ELAPOR2: variants seen among roughly 807,000 people sequenced by gnomAD.
The protein encoded by ELAPOR2 is endosome/lysosome-associated apoptosis and autophagy regulator family member 2.
Under a neutral mutation model 120.7 loss-of-function variants are expected in ELAPOR2, and 89 were observed. The ratio of observed to expected loss-of-function variants is 0.74; its 90% CI spans 0.62 to 0.88. The LOEUF (loss-of-function observed/expected upper bound fraction) is 0.88. Among genes scored for constraint, ELAPOR2 ranks in the 40% least tolerant of loss-of-function variants. The probability of loss-of-function intolerance (pLI) is 0.00; values close to 1 mark genes in which losing one functional copy is unlikely to be tolerated. For missense variants in ELAPOR2, 1,134 were observed against 1,251.6 expected, an observed-to-expected ratio of 0.91 and a Z score of 1.42; for synonymous variants, 444 against 444.9, an observed-to-expected ratio of 1.00 and a Z score of 0.03.
intron 2 of ELAPOR2, among the ~76,000 whole-genome samples, chr7:86,954,244 C>T (rs1309929237): frequency 2.0e-5 from 3 of 152,100 alleles, no homozygotes; most frequent in Non-Finnish European, 4.4e-5. Flanking sequence ...CATGCAACTA[C>T]CCAGCACAAT....
At chr7:86,923,603 T>C (rs558181892) in intron 10 of ELAPOR2, among the ~76,000 whole-genome samples, 70 of 152,216 alleles carry the variant, frequency 4.6e-4, no homozygotes, top group African/African-American at 1.6e-3. Context: ...CATCACACTG[T>C]TTCCTTGGTA....
intron 1 of ELAPOR2, among the ~76,000 whole-genome samples, chr7:86,993,126 C>T (rs1219972254): frequency 6.6e-6 from 1 of 151,306 alleles, no homozygotes; most frequent in Non-Finnish European, 1.5e-5. Context: ...GTTCCAGCTA[C>T]TCAGGAGGCT....
In ELAPOR2 at chr7:86,918,464, T is replaced by G. The variant is rs2116157622; in HGVS notation, c.1571A>C (p.Asp524Ala). 6.2e-7 allele frequency: 1 copy of G among 1,611,992 alleles called. No individual in the cohort carries two copies. The highest frequency in any genetic ancestry group is 2.2e-5 in the East Asian group (1 of 44,774). Residue 524 changes from aspartate (D) to alanine (A), a missense_variant, in exon 12 of 22, where the codon GAC (aspartate) becomes GCC (alanine). Around this residue, in one of 3 missense-constraint regions of ELAPOR2, gnomAD observed 831 missense variants for 867.6 expected, o/e 0.96. Transcript: ENST00000450689. ...TACCACCATGAAGTACAAAACACAG[T>G]CAGCTGAACAGAGGGTCTCAAAGAC... is the stretch of plus-strand genomic sequence containing the variant. ...TFVFETLCSA[D>A]CVLYFMVDIN...
chr7:86,912,167 G>C lies in ELAPOR2; in HGVS notation c.2074C>G (p.Leu692Val). ...TTCATTAATGAGCCCACACTGCTGA[G>C]GTTGCTAAAGTCATAGTGCAAACTC... ...NQSLHYDFSN[L>V]SSVGSLMNGP... is the part of the protein sequence containing the mutation. The change falls in exon 15 of 22, where the codon CTC becomes GTC. Residue 692 changes from leucine to valine, a missense_variant. Around this residue, in one of 3 missense-constraint regions of ELAPOR2, gnomAD observed 831 missense variants for 867.6 expected, o/e 0.96. Coordinates refer to ENST00000450689, the MANE Select transcript of ELAPOR2 (RefSeq NM_001142749.3). 1.9e-6 allele frequency: 3 copies of C among 1,612,612 alleles called. No homozygotes were observed. The highest frequency in any genetic ancestry group is 2.5e-6 in the Non-Finnish European group (3 of 1,178,802).
At chr7:87,030,753 T>A (rs1794398668) in intron 1 of ELAPOR2, among the ~76,000 whole-genome samples, 1 of 152,188 alleles carries the variant, frequency 6.6e-6, no homozygotes, top group African/African-American at 2.4e-5. Context: ...AATCAAGTAC[T>A]CTCTGTATGT....
chr7:87,028,524 TATATAA>T (rs1453592117), intron 1 of ELAPOR2, among the ~76,000 whole-genome samples: 3 of 152,064 alleles, frequency 2.0e-5, no homozygotes, highest in African/African-American at 4.8e-5. Flanking sequence ...AAAATACATA[TATATAA>T]ATATATTTTA....
At chr7:86,983,523 G>A (rs933096804) in intron 1 of ELAPOR2, among the ~76,000 whole-genome samples, 1 of 152,168 alleles carries the variant, frequency 6.6e-6, no homozygotes, top group South Asian at 2.1e-4. Context: ...GAGAGTGGGG[G>A]CCAATATTCA....
Position 86,914,883 on chromosome 7 carries a change from T to C in ELAPOR2, c.1594-23A>G, listed in dbSNP as rs202158326. 948 of 1,581,630 alleles carry C rather than the reference T, an allele frequency of 6.0e-4. 7 individuals are homozygous for C. Among genetic ancestry groups the C allele is most frequent in the Admixed American group, 1.4e-4 (8 of 56,780 alleles). On this transcript the variant is annotated intron_variant, in intron 12 of 21. Coordinates refer to ENST00000450689, the MANE Select transcript of ELAPOR2 (RefSeq NM_001142749.3). ...ATCCTGAAATATAGTGGAAAAACTA[T>C]ATTCAAATAAAGCACAAACTCAACA...
chr7:86,972,795 G>T (rs559335074), intron 1 of ELAPOR2, among the ~76,000 whole-genome samples: 1 of 151,848 alleles, frequency 6.6e-6, no homozygotes, highest in East Asian at 1.9e-4. Flanking sequence ...TTCAGTGGAT[G>T]TTATACCCTA....
intron 19 of ELAPOR2, among the ~76,000 whole-genome samples, chr7:86,894,490 A>G (rs1403218014): frequency 6.6e-6 from 1 of 152,056 alleles, no homozygotes; most frequent in African/African-American, 2.4e-5. Context: ...GCAATGCCCA[A>G]TGAGAACAGC....
chr7:86,958,073 A>G (rs556426303), intron 2 of ELAPOR2, among the ~76,000 whole-genome samples: 14 of 152,156 alleles, frequency 9.2e-5, no homozygotes, highest in Non-Finnish European at 7.3e-5. Flanking sequence ...ATGCCTCAGG[A>G]TGGGGATAAG....
intron 8 of ELAPOR2, among the ~76,000 whole-genome samples, chr7:86,933,071 T>C (rs190748894): frequency 2.0e-5 from 3 of 151,902 alleles, no homozygotes; most frequent in East Asian, 3.9e-4. Flanking sequence ...AGTTACAGTA[T>C]GTATAAATGA....
At chr7:86,977,348 G>C (rs911946948) in intron 1 of ELAPOR2, among the ~76,000 whole-genome samples, 2 of 152,160 alleles carry the variant, frequency 1.3e-5, no homozygotes, top group African/African-American at 2.4e-5. Context: ...TGGATCCTAA[G>C]AGCTAATGTT....
At chr7:86,926,063 C>T (rs2116227163) in intron 9 of ELAPOR2, among the ~76,000 whole-genome samples, 1 of 152,074 alleles carries the variant, frequency 6.6e-6, no homozygotes, top group South Asian at 2.1e-4. Context: ...TTCACTCTTC[C>T]TATTGGTTAT....
intron 10 of ELAPOR2, 118 bp from the exon 11 acceptor site, chr7:86,919,428 G>T: frequency 1.8e-6 from 1 of 563,980 alleles, no homozygotes; most frequent in Non-Finnish European, 3.0e-6. Context: ...AGTTAGAAAT[G>T]CTACAAATGA....
intron 10 of ELAPOR2, among the ~76,000 whole-genome samples, chr7:86,921,864 C>A (rs940881886): frequency 6.6e-6 from 1 of 151,864 alleles, no homozygotes; most frequent in Admixed American, 6.6e-5. Context: ...AATATAAGTG[C>A]CTTAAGGGAT....
At position 86,965,015 on chromosome 7, in the gene ELAPOR2, G is replaced by C; in HGVS notation, c.199C>G (p.His67Asp). The change falls in exon 2 of 22, where the codon CAC (histidine) becomes GAC (aspartate). Residue 67 changes from histidine to aspartate, a missense_variant. Physicochemically the swap from His to Asp is moderately conservative, Grantham distance 81. Around this residue, in one of 3 missense-constraint regions of ELAPOR2, gnomAD observed 280 missense variants for 331.5 expected, o/e 0.84. Coordinates refer to ENST00000450689, the MANE Select transcript of ELAPOR2 (RefSeq NM_001142749.3). ...CTATCACATTCCGTATATTCAAAGT[G>C]ATAATCTTTCTGCAAACAATCACAA... ...PLPPCQEKDY[H>D]FEYTECDSSG... The C allele has an allele frequency of 6.4e-7, 1 of 1,551,502 alleles. No homozygotes were observed. Among genetic ancestry groups the C allele is most frequent in the Non-Finnish European group, 8.7e-7 (1 of 1,146,810 alleles).
chr7:86,938,963 G>A lies in ELAPOR2; in HGVS notation c.848-3C>T, dbSNP rs747904661. ...ACATTCTGATGTGTACGCCACCCCTGTGCAGTAATGAAAAACAGAGCATGG... is the reference window on the plus strand; with the variant it reads ...ACATTCTGATGTGTACGCCACCCCTATGCAGTAATGAAAAACAGAGCATGG... On this transcript the variant is annotated splice_polypyrimidine_tract_variant and splice_region_variant and intron_variant, in intron 6 of 21. Coordinates refer to ENST00000450689, the MANE Select transcript of ELAPOR2 (RefSeq NM_001142749.3). 1.2e-6 allele frequency: 2 copies of A among 1,612,592 alleles called. No homozygotes were observed. Among genetic ancestry groups the A allele is most frequent in the Non-Finnish European group, 1.7e-6 (2 of 1,179,134 alleles).
intron 1 of ELAPOR2, among the ~76,000 whole-genome samples, chr7:87,053,612 G>T (rs542850052): frequency 6.6e-6 from 1 of 152,250 alleles, no homozygotes; most frequent in African/African-American, 2.4e-5. Flanking sequence ...CATCTATATG[G>T]GGTGGGGGGC....
Sources: gnomAD v4.1 joint callset for allele counts (sites outside exome capture counted in the v4.1 genomes callset) on GRCh38, gnomAD v4.1.1 for gene constraint, gnomAD v4.1.1 regional missense constraint, MANE v1.5 for transcripts, NCBI Gene and HGNC (gene_info 2026-07-23, HGNC 2026-07-21) for gene names.